LHFPL6: variants seen among roughly 807,000 people sequenced by gnomAD.
LHFPL6 encodes LHFPL tetraspan subfamily member 6, also known as LHFPL tetraspan subfamily member 6 protein.
Under a neutral mutation model 20.6 loss-of-function variants are expected in LHFPL6, and 9 were observed. The ratio of observed to expected loss-of-function variants is 0.44; its 90% CI spans 0.26 to 0.76. LHFPL6 has a LOEUF of 0.76. Among genes scored for constraint, LHFPL6 ranks in the 30% least tolerant of loss-of-function variants. LHFPL6 has a pLI of 0.20. For missense variants in LHFPL6, 218 were observed against 253.5 expected (o/e 0.86, Z 0.95); for synonymous variants, 105 against 98.7 (o/e 1.06, Z -0.38).
chr13:39,537,568 C>A (rs781491037), intron 2 of LHFPL6, among the ~76,000 whole-genome samples: 1 of 152,092 alleles, frequency 6.6e-6, no homozygotes, highest in South Asian at 2.1e-4. Flanking sequence ...TAACTTACAG[C>A]GTGGGGTTTT....
At chr13:39,440,784 C>G (rs1872100594) in intron 2 of LHFPL6, among the ~76,000 whole-genome samples, 1 of 152,092 alleles carries the variant, frequency 6.6e-6, no homozygotes, top group Non-Finnish European at 1.5e-5. Flanking sequence ...CCACAATTCC[C>G]ACGTGTCGTG....
chr13:39,497,006 T>C (rs1869122993), intron 2 of LHFPL6, among the ~76,000 whole-genome samples: 1 of 152,220 alleles, frequency 6.6e-6, no homozygotes, highest in Admixed American at 6.5e-5. Flanking sequence ...ATCCCAGATC[T>C]AACTGCTGGC....
At chr13:39,483,256 C>T (rs1312939781) in intron 2 of LHFPL6, among the ~76,000 whole-genome samples, 1 of 152,062 alleles carries the variant, frequency 6.6e-6, no homozygotes, top group Non-Finnish European at 1.5e-5. Context: ...CAGTCTCTGC[C>T]CTGTTCCAGC....
chr13:39,439,321 G>A (rs1872051999), intron 2 of LHFPL6, among the ~76,000 whole-genome samples: 2 of 152,160 alleles, frequency 1.3e-5, no homozygotes, highest in African/African-American at 2.4e-5. Context: ...TTTAGAATAG[G>A]AGTATTTACC....
chr13:39,596,372 G>T (rs1026608831), intron 2 of LHFPL6, among the ~76,000 whole-genome samples: 2 of 152,092 alleles, frequency 1.3e-5, no homozygotes, highest in African/African-American at 2.4e-5. Flanking sequence ...ATAGGAAATG[G>T]TTAACTCAGA....
At chr13:39,427,287 AT>A (rs1871670484) in intron 2 of LHFPL6, among the ~76,000 whole-genome samples, 1 of 152,136 alleles carries the variant, frequency 6.6e-6, no homozygotes, top group South Asian at 2.1e-4. Flanking sequence ...TCCTTGCTTT[AT>A]TCCAGTGATT....
intron 2 of LHFPL6, among the ~76,000 whole-genome samples, chr13:39,585,867 GAC>G (rs1208020672): frequency 6.6e-6 from 1 of 152,104 alleles, no homozygotes; most frequent in Non-Finnish European, 1.5e-5. Context: ...CGTGTTATGA[GAC>G]ATCCTTCTTG....
intron 2 of LHFPL6, among the ~76,000 whole-genome samples, chr13:39,583,087 A>T (rs965544557): frequency 6.6e-5 from 10 of 152,166 alleles, no homozygotes; most frequent in Non-Finnish European, 1.5e-5. Flanking sequence ...CAGAGAAGAA[A>T]GATATTATAC....
At chr13:39,364,846 A>G (rs1348844186) in intron 3 of LHFPL6, among the ~76,000 whole-genome samples, 1 of 152,144 alleles carries the variant, frequency 6.6e-6, no homozygotes, top group Non-Finnish European at 1.5e-5. Flanking sequence ...TGGCCAGCTG[A>G]GTATCTGCTA....
At chr13:39,442,442 T>A (rs1045281655) in intron 2 of LHFPL6, among the ~76,000 whole-genome samples, 1 of 152,184 alleles carries the variant, frequency 6.6e-6, no homozygotes, top group African/African-American at 2.4e-5. Flanking sequence ...GTGAGATTCA[T>A]GTTCACATTT....
intron 2 of LHFPL6, among the ~76,000 whole-genome samples, chr13:39,575,208 CT>C (rs1872076993): frequency 6.6e-6 from 1 of 152,186 alleles, no homozygotes; most frequent in Non-Finnish European, 1.5e-5. Flanking sequence ...GCTATACTAC[CT>C]TTCCTGGGAA....
At chr13:39,373,596 G>A (rs546776584) in intron 3 of LHFPL6, among the ~76,000 whole-genome samples, 16 of 152,172 alleles carry the variant, frequency 1.1e-4, no homozygotes, top group Non-Finnish European at 1.9e-4. Flanking sequence ...CAACTATCCT[G>A]GGTCCTGACC....
chr13:39,474,555 A>G (rs1235793207), intron 2 of LHFPL6, among the ~76,000 whole-genome samples: 1 of 152,160 alleles, frequency 6.6e-6, no homozygotes, highest in Non-Finnish European at 1.5e-5. Flanking sequence ...CTTTTTTCTT[A>G]CCCTTGTAGA....
intron 2 of LHFPL6, among the ~76,000 whole-genome samples, chr13:39,505,864 T>C (rs954729544): frequency 1.3e-5 from 2 of 152,250 alleles, no homozygotes; most frequent in Non-Finnish European, 2.9e-5. Context: ...ATTTTGTCTA[T>C]ATTACAAATG....
chr13:39,425,577 G>A (rs1209879357), intron 2 of LHFPL6, among the ~76,000 whole-genome samples: 2 of 152,102 alleles, frequency 1.3e-5, no homozygotes, highest in African/African-American at 2.4e-5. Flanking sequence ...ATTCTAATAC[G>A]TGTGAAGTGG....
intron 2 of LHFPL6, among the ~76,000 whole-genome samples, chr13:39,548,928 A>T (rs975359563): frequency 2.0e-4 from 31 of 152,150 alleles, no homozygotes; most frequent in Non-Finnish European, 7.3e-5. Flanking sequence ...GATCAAAATC[A>T]AAACTTCTGC....
chr13:39,377,336 T>C (rs1870316517), intron 3 of LHFPL6, among the ~76,000 whole-genome samples: 1 of 152,244 alleles, frequency 6.6e-6, no homozygotes, highest in Admixed American at 6.5e-5. Flanking sequence ...CTGCCTTTTA[T>C]TATAGGAGCC....
intron 2 of LHFPL6, among the ~76,000 whole-genome samples, chr13:39,433,810 C>T (rs1032162830): frequency 1.3e-5 from 2 of 152,192 alleles, no homozygotes; most frequent in African/African-American, 4.8e-5. Context: ...ATCCATCCCA[C>T]CCTGGCCCTG....
chr13:39,562,627 C>CATATAT, intron 2 of LHFPL6, among the ~76,000 whole-genome samples: 1 of 94,288 alleles, frequency 1.1e-5, no homozygotes, highest in African/African-American at 4.3e-5. Flanking sequence ...CATATATACA[C>CATATAT]ACATATATAT....
Sources: allele counts gnomAD v4.1 joint callset (sites outside exome capture counted in the v4.1 genomes callset), GRCh38; gene constraint gnomAD v4.1.1; transcripts MANE v1.5; gene names NCBI Gene and HGNC (gene_info 2026-07-23, HGNC 2026-07-21).